Variants in PLXNA2 observed in about 807,000 individuals in gnomAD.
PLXNA2 encodes the protein plexin-A2.
PLXNA2 carries 91 observed loss-of-function variants against 193.5 expected under a neutral mutation model. The observed-to-expected ratio is 0.47, with a 90% confidence interval of 0.40 to 0.56. PLXNA2 has a LOEUF of 0.56. PLXNA2 is among the 20% of genes least tolerant of loss of function. PLXNA2 has a pLI of 0.00. For missense variants in PLXNA2, 1,995 were observed against 2,503.2 expected (o/e 0.80, Z 4.33); for synonymous variants, 997 against 1,027.3 (o/e 0.97, Z 0.56).
At chr1:208,049,748 CT>C in intron 17 of PLXNA2, among the ~76,000 whole-genome samples, 1 of 152,168 alleles carries the variant, frequency 6.6e-6, no homozygotes, top group East Asian at 1.9e-4. Flanking sequence ...TCCCTGAGAC[CT>C]TTCTATATCT....
At chr1:208,170,722 T>C (rs1476778589) in intron 3 of PLXNA2, among the ~76,000 whole-genome samples, 2 of 152,232 alleles carry the variant, frequency 1.3e-5, no homozygotes, top group East Asian at 3.8e-4. Context: ...TTTTACCCTA[T>C]AATCTACATT....
At position 208,051,374 on chromosome 1, in the gene PLXNA2, G is replaced by A. The variant is rs1468221639; in HGVS notation, c.3043C>T (p.Leu1015Phe). ...CTCACAGAAACAGGGACCGGGCCAA[G>A]GCCATTGGATGATGGGGGTGAGACA... ...VCVSPPSSNGLGPVPVSVSVD... is the reference protein window; with the variant it reads ...VCVSPPSSNGFGPVPVSVSVD... Residue 1015 changes from leucine to phenylalanine, a missense_variant, in exon 16 of 32, where the codon CTT becomes TTT. Transcript: ENST00000367033. The A allele has an allele frequency of 3.1e-6, 5 of 1,612,954 alleles. No individual in the cohort carries two copies. Among genetic ancestry groups the A allele is most frequent in the Admixed American group, 1.7e-5 (1 of 59,686 alleles).
chr1:208,217,389 C>T lies in PLXNA2; in HGVS notation c.534G>A (p.Glu178=), dbSNP rs1328009510. ...MYGVIVRSEG[E]DGKLFIGTAV... ...CCGTGCCGATGAAGAGCTTGCCATCCTCACCCTCAGAGCGCACAATCACCC... is the reference window on the plus strand; with the variant it reads ...CCGTGCCGATGAAGAGCTTGCCATCTTCACCCTCAGAGCGCACAATCACCC... The change falls in exon 2 of 32, where the codon GAG becomes GAA. Residue 178 remains glutamate, a synonymous_variant. Coordinates refer to ENST00000367033, the MANE Select transcript of PLXNA2 (RefSeq NM_025179.4). The surrounding 1 kb of genome is among the most constrained non-coding windows in gnomAD (Gnocchi z 4.7). 6.2e-7 allele frequency: 1 copy of T among 1,614,084 alleles called. No homozygotes were observed.
At chr1:208,099,423 TGAAGAGGATGAAGTAAA>T (rs1256369928) in intron 5 of PLXNA2, among the ~76,000 whole-genome samples, 2 of 152,126 alleles carry the variant, frequency 1.3e-5, no homozygotes, top group Non-Finnish European at 2.9e-5. Context: ...CTTATGTAAA[TGAAGAGGATGAAGTAAA>T]GTTACAAAGT....
chr1:208,187,825 G>C (rs952668995), intron 3 of PLXNA2, among the ~76,000 whole-genome samples: 4 of 152,238 alleles, frequency 2.6e-5, no homozygotes, highest in Non-Finnish European at 2.9e-5. Flanking sequence ...AGGTAGCAGA[G>C]AGAAGGCAGC....
In PLXNA2 at chr1:208,028,098, C is replaced by T. The variant is rs750685623; in HGVS notation, c.5500G>A (p.Ala1834Thr). 1.7e-5 allele frequency: 28 copies of T among 1,613,146 alleles called. No homozygotes were observed. Among genetic ancestry groups the T allele is most frequent in the South Asian group, 4.4e-5 (4 of 90,896 alleles). ...ACGGCGTGCAGGCGGGACTGCTCGGCGAGGTAGGCATTCATGTCCTGGTCA... is the reference window on the plus strand; with the variant it reads ...ACGGCGTGCAGGCGGGACTGCTCGGTGAGGTAGGCATTCATGTCCTGGTCA... ...ISDQDMNAYL[A>T]EQSRLHAVEF... is the part of the protein sequence containing the mutation. The change falls in exon 31 of 32, where the codon GCC becomes ACC. Residue 1834 changes from alanine to threonine, a missense_variant. This residue lies in a region of PLXNA2 where 1,291 missense variants were observed against 1,673.6 expected (regional missense o/e 0.77). Coordinates refer to ENST00000367033, the MANE Select transcript of PLXNA2 (RefSeq NM_025179.4). The surrounding 1 kb of genome is among the most constrained non-coding windows in gnomAD (Gnocchi z 4.2).
intron 3 of PLXNA2, among the ~76,000 whole-genome samples, chr1:208,203,799 C>T (rs1670628795): frequency 6.6e-6 from 1 of 152,262 alleles, no homozygotes; most frequent in East Asian, 1.9e-4. Flanking sequence ...GCGATCAGCA[C>T]CCTCAGTTGA....
intron 3 of PLXNA2, among the ~76,000 whole-genome samples, chr1:208,200,997 A>G (rs1670534747): frequency 6.6e-6 from 1 of 152,242 alleles, no homozygotes; most frequent in African/African-American, 2.4e-5. Flanking sequence ...AAACATGGTA[A>G]TAGTACAGGA....
Position 208,042,215 on chromosome 1 carries a change from A to G in PLXNA2, c.4169T>C (p.Ile1390Thr). 1 of 1,614,238 alleles carries G rather than the reference A, an allele frequency of 6.2e-7. No homozygotes were observed. Among genetic ancestry groups the G allele is most frequent in the Non-Finnish European group, 8.5e-7 (1 of 1,180,034 alleles). Residue 1390 changes from isoleucine (I) to threonine (T), a missense_variant, in exon 22 of 32, where the codon ATC (isoleucine) becomes ACC (threonine). Physicochemically the swap from Ile to Thr is moderately conservative, Grantham distance 89. This residue lies in a region of PLXNA2 where 1,291 missense variants were observed against 1,673.6 expected (regional missense o/e 0.77). Transcript: ENST00000367033. ...CAGGCGGCCCTGCAGGCCGGTCATG[A>G]TGAGCGAAGCCACGTTGCCCCGGTC... ...MRDRGNVASL[I>T]MTGLQGRLEY...
At chr1:208,203,989 G>C (rs906811881) in intron 3 of PLXNA2, among the ~76,000 whole-genome samples, 6 of 152,234 alleles carry the variant, frequency 3.9e-5, no homozygotes, top group African/African-American at 1.2e-4. Context: ...GCTTTGCTTA[G>C]TAAATCGTTT....
chr1:208,046,572 GTGTGTGTA>G (rs1665076406), intron 17 of PLXNA2, among the ~76,000 whole-genome samples: 2 of 152,030 alleles, frequency 1.3e-5, no homozygotes, highest in African/African-American at 4.8e-5. Context: ...GTGTGTGTGT[GTGTGTGTA>G]TGTGTGTGTG....
At chr1:208,066,628 TTTA>T (rs372083076) in intron 12 of PLXNA2, among the ~76,000 whole-genome samples, 12 of 151,904 alleles carry the variant, frequency 7.9e-5, no homozygotes, top group African/African-American at 2.7e-4. Context: ...CACTATATTT[TTTA>T]TTGTTATTTT....
Position 208,028,182 on chromosome 1 carries a change from C to T in PLXNA2, c.5439-23G>A, listed in dbSNP as rs1288269190. The T allele has an allele frequency of 6.3e-7, 1 of 1,587,850 alleles. No individual in the cohort carries two copies. The highest frequency in any genetic ancestry group is 1.4e-5 in the African/African-American group (1 of 74,014). On this transcript the variant is annotated intron_variant, in intron 30 of 31. Coordinates refer to ENST00000367033, the MANE Select transcript of PLXNA2 (RefSeq NM_025179.4). The surrounding 1 kb of genome is among the most constrained non-coding windows in gnomAD (Gnocchi z 4.2). The stretch of plus-strand genomic sequence containing the variant: ...TATCTGCCAGAGACAGGATAGGCGC[C>T]TTGGTGGAGGCCTCAGCAAACATTT...
At chr1:208,050,292 G>C (rs1028540244) in intron 17 of PLXNA2, among the ~76,000 whole-genome samples, 1 of 152,234 alleles carries the variant, frequency 6.6e-6, no homozygotes, top group Non-Finnish European at 1.5e-5. Context: ...AGGATCCGGA[G>C]GTTAAATGAC....
intron 4 of PLXNA2, among the ~76,000 whole-genome samples, chr1:208,117,221 T>C (rs181350719): frequency 1.2e-4 from 19 of 152,180 alleles, no homozygotes; most frequent in African/African-American, 4.3e-4. Flanking sequence ...GTGTGAATTA[T>C]TGGAGGGAGG....
chr1:208,097,996 C>T (rs528182998), intron 6 of PLXNA2, among the ~76,000 whole-genome samples: 11 of 152,242 alleles, frequency 7.2e-5, no homozygotes, highest in Admixed American at 4.6e-4. Flanking sequence ...TGAGCCACCG[C>T]GCCCAGCCTG....
At chr1:208,181,226 C>T (rs181526694) in intron 3 of PLXNA2, among the ~76,000 whole-genome samples, 1 of 152,166 alleles carries the variant, frequency 6.6e-6, no homozygotes, top group Non-Finnish European at 1.5e-5. Context: ...GTAGGCAGAC[C>T]GAGCCTTTTC....
In PLXNA2 at chr1:208,217,019, G is replaced by A. The variant is rs143028527; in HGVS notation, c.904C>T (p.Arg302Trp). 222 of 1,611,670 alleles carry A rather than the reference G, an allele frequency of 1.4e-4. No homozygotes were observed. The highest frequency in any genetic ancestry group is 1.8e-4 in the Non-Finnish European group (216 of 1,178,394). Residue 302 changes from arginine to tryptophan, a missense_variant, in exon 2 of 32, where the codon CGG becomes TGG. Physicochemically the swap from Arg to Trp is moderately radical, Grantham distance 101. This residue lies in a region of PLXNA2 where 702 missense variants were observed against 812.9 expected (regional missense o/e 0.86). Transcript: ENST00000367033. This position sits in a 1 kb window ranked among gnomAD's most constrained non-coding sequence, Gnocchi z 4.7. The part of the protein sequence containing the change: ...SYVSLPFGCT[R>W]AGVEYRLLQA... ...AGGAGGCGGTATTCCACCCCGGCCC[G>A]GGTGCAGCCGAAGGGCAGGGACACG...
intron 22 of PLXNA2, chr1:208,040,269 T>C (rs1571851081): frequency 1.7e-6 from 1 of 581,838 alleles, no homozygotes; most frequent in Non-Finnish European, 3.1e-6. Flanking sequence ...CAATTTCCTA[T>C]GAAAATGGAG....
Sources: gnomAD v4.1 joint callset for allele counts (sites outside exome capture counted in the v4.1 genomes callset) on GRCh38, gnomAD v4.1.1 for gene constraint, gnomAD v4.1.1 regional missense constraint, Gnocchi (gnomAD v3.1) non-coding constraint, MANE v1.5 for transcripts, NCBI Gene and HGNC (gene_info 2026-07-23, HGNC 2026-07-21) for gene names.